PM20D2: variants seen among roughly 807,000 people sequenced by gnomAD.
PM20D2 encodes xaa-Arg dipeptidase.
A neutral mutation model predicts 42.9 loss-of-function variants in PM20D2; 33 were observed. That is an observed-to-expected ratio of 0.77 (90% confidence interval 0.58 to 1.03). The LOEUF (loss-of-function observed/expected upper bound fraction) is 1.03, where lower values mean the gene tolerates loss of function less well. Ranked by LOEUF, PM20D2 falls within the 50% of genes least tolerant of loss-of-function variation. PM20D2 has a pLI of 0.00. For synonymous variants in PM20D2, 250 were observed against 228.2 expected, an observed-to-expected ratio of 1.10 and a Z score of -0.86; for missense variants, 548 against 557.0, an observed-to-expected ratio of 0.98 and a Z score of 0.16.
chr6:89,158,000 C>T (rs990912121), intron 4 of PM20D2, among the ~76,000 whole-genome samples: 1 of 152,078 alleles, frequency 6.6e-6, no homozygotes, highest in African/African-American at 2.4e-5. Flanking sequence ...GAGTGAGACT[C>T]CATCTCAAAA....
chr6:89,126,984 C>CTGCAATG, the PM20D2 span, among the ~76,000 whole-genome samples: 1 of 152,144 alleles, frequency 6.6e-6, no homozygotes, highest in Admixed American at 6.5e-5. Flanking sequence ...AGAACAATAA[C>CTGCAATG]TGCAATGAAT....
intron 4 of PM20D2, among the ~76,000 whole-genome samples, chr6:89,156,451 A>C (rs957420387): frequency 2.0e-5 from 3 of 152,204 alleles, no homozygotes; most frequent in African/African-American, 7.2e-5. Flanking sequence ...TAAATGAGAT[A>C]ATGTTTCTGA....
chr6:89,129,079 A>G, the PM20D2 span, among the ~76,000 whole-genome samples: 1 of 152,138 alleles, frequency 6.6e-6, no homozygotes, highest in African/African-American at 2.4e-5. Flanking sequence ...AGGCAAAGCT[A>G]GAGGGTGTGG....
At chr6:89,157,561 T>C (rs965444466) in intron 4 of PM20D2, among the ~76,000 whole-genome samples, 1 of 152,240 alleles carries the variant, frequency 6.6e-6, no homozygotes, top group African/African-American at 2.4e-5. Context: ...TTTCTACCTC[T>C]CACACCAGGC....
chr6:89,130,819 C>CTTTTTTT, the PM20D2 span, among the ~76,000 whole-genome samples: 87 of 24,066 alleles, frequency 3.6e-3, 4 homozygotes, highest in Non-Finnish European at 4.5e-3. Context: ...GCTTCTTCTT[C>CTTTTTTT]TTTTTTTTTT....
At chr6:89,107,308 A>G in the PM20D2 span, 7 of 1,449,286 alleles carry the variant, frequency 4.8e-6, no homozygotes, top group Non-Finnish European at 6.7e-6. Context: ...CTGGATTAAA[A>G]TATTTTGCCT....
chr6:89,130,520 C>T, the PM20D2 span, among the ~76,000 whole-genome samples: 12 of 152,244 alleles, frequency 7.9e-5, no homozygotes, highest in African/African-American at 2.9e-4. Flanking sequence ...AAAACACCTT[C>T]ATCACTCAGA....
the PM20D2 span, among the ~76,000 whole-genome samples, chr6:89,106,440 T>A: frequency 1.3e-5 from 2 of 152,172 alleles, no homozygotes; most frequent in Admixed American, 1.3e-4. Flanking sequence ...CTACTTGGGA[T>A]ATAAATATAA....
chr6:89,130,479 G>A, the PM20D2 span, among the ~76,000 whole-genome samples: 1 of 151,992 alleles, frequency 6.6e-6, no homozygotes, highest in African/African-American at 2.4e-5. Flanking sequence ...AAATATATAC[G>A]CTTGTGTAAC....
the PM20D2 span, among the ~76,000 whole-genome samples, chr6:89,128,407 C>G: frequency 1.4e-5 from 2 of 147,600 alleles, no homozygotes; most frequent in African/African-American, 5.4e-5. Flanking sequence ...GATCAGTTCT[C>G]TGCTCTCAAA....
At chr6:89,114,462 A>G in the PM20D2 span, among the ~76,000 whole-genome samples, 4 of 152,212 alleles carry the variant, frequency 2.6e-5, no homozygotes, top group East Asian at 1.9e-4. Flanking sequence ...ACCACCATAC[A>G]TTATAGGGTT....
the PM20D2 span, among the ~76,000 whole-genome samples, chr6:89,125,738 G>A: frequency 5.4e-5 from 8 of 149,394 alleles, no homozygotes; most frequent in Non-Finnish European, 8.9e-5. Flanking sequence ...AGCCAAGGTC[G>A]CACCATTGCA....
At chr6:89,120,479 C>G in the PM20D2 span, among the ~76,000 whole-genome samples, 1 of 152,106 alleles carries the variant, frequency 6.6e-6, no homozygotes, top group Admixed American at 6.6e-5. Flanking sequence ...AGAAACTTGA[C>G]CTGGTGGGTA....
At chr6:89,108,789 C>CA in the PM20D2 span, among the ~76,000 whole-genome samples, 1 of 152,126 alleles carries the variant, frequency 6.6e-6, no homozygotes, top group Non-Finnish European at 1.5e-5. Flanking sequence ...TGATTATATG[C>CA]ATATTAATTA....
the PM20D2 span, among the ~76,000 whole-genome samples, chr6:89,094,346 G>A: frequency 6.6e-6 from 1 of 151,848 alleles, no homozygotes; most frequent in Non-Finnish European, 1.5e-5. Context: ...TCAGCCTCCT[G>A]AGTAGCTGGG....
At chr6:89,138,089 A>C in the PM20D2 span, among the ~76,000 whole-genome samples, 1 of 140,906 alleles carries the variant, frequency 7.1e-6, no homozygotes, top group East Asian at 2.0e-4. Flanking sequence ...TAATTTTTGC[A>C]TTTGTTGTAG....
At chr6:89,149,222 G>A in intron 1 of PM20D2, 43 bp from the exon 2 acceptor site, 2 of 1,598,490 alleles carry the variant, frequency 1.3e-6, no homozygotes, top group Non-Finnish European at 1.7e-6. Flanking sequence ...ATATTCCTAT[G>A]AGGATTTTGT....
intron 4 of PM20D2, among the ~76,000 whole-genome samples, 183 bp downstream of exon 4, chr6:89,155,085 A>G (rs1770992937): frequency 6.6e-6 from 1 of 152,122 alleles, no homozygotes; most frequent in South Asian, 2.1e-4. Context: ...AGTGCTTGCA[A>G]TAGGGAAGAT....
Position 89,154,820 on chromosome 6 carries a change from C to A in PM20D2, c.830C>A (p.Ala277Glu), listed in dbSNP as rs756665835. 3.1e-6 allele frequency: 5 copies of A among 1,608,956 alleles called. No individual in the cohort carries two copies. The Admixed American group carries it at 6.8e-5, about 22-fold the overall frequency. ...TCTGAATTAATCTATTACTTCCGTGCACCCTCAATGAAAGAACTTCAAGTT... is the reference window on the plus strand; with the variant it reads ...TCTGAATTAATCTATTACTTCCGTGAACCCTCAATGAAAGAACTTCAAGTT... ...SYSELIYYFR[A>E]PSMKELQVLT... Residue 277 changes from alanine (A) to glutamate (E), a missense_variant, in exon 4 of 7, where the codon GCA becomes GAA. Transcript: ENST00000275072.
Sources: gnomAD v4.1 joint callset for allele counts (sites outside exome capture counted in the v4.1 genomes callset) on GRCh38, gnomAD v4.1.1 for gene constraint, MANE v1.5 for transcripts, NCBI Gene and HGNC (gene_info 2026-07-23, HGNC 2026-07-21) for gene names.